The following RHOU variants were observed in gnomAD, a reference collection of about 807,000 sequenced individuals.
RHOU encodes rho-related GTP-binding protein RhoU.
RHOU carries 8 observed loss-of-function variants against 12.6 expected under a neutral mutation model. The ratio of observed to expected loss-of-function variants is 0.64; its 90% confidence interval spans 0.37 to 1.15. RHOU has a LOEUF of 1.15. Among genes scored for constraint, RHOU ranks in the 50% most tolerant of loss-of-function variants. The pLI is 0.01. For missense variants in RHOU, 258 were observed against 347.0 expected (o/e 0.74, Z 2.04); for synonymous variants, 161 against 147.4 (o/e 1.09, Z -0.67).
the RHOU span, among the ~76,000 whole-genome samples, chr1:228,728,869 C>G: frequency 6.6e-6 from 1 of 151,884 alleles, no homozygotes; most frequent in Non-Finnish European, 1.5e-5. Context: ...ACATCTAGCA[C>G]TGATGAGTTT....
the RHOU span, among the ~76,000 whole-genome samples, chr1:228,700,776 C>G: frequency 4.6e-5 from 7 of 152,026 alleles, no homozygotes; most frequent in Non-Finnish European, 8.8e-5. Flanking sequence ...TCTTATTTGA[C>G]AATGCTTTTC....
At chr1:228,666,004 C>G in the RHOU span, among the ~76,000 whole-genome samples, 1 of 152,026 alleles carries the variant, frequency 6.6e-6, no homozygotes, top group East Asian at 1.9e-4. Flanking sequence ...CTCACCAAGG[C>G]TGGAGTGCAG....
chr1:228,659,955 C>CAAAAAAAAA, the RHOU span, among the ~76,000 whole-genome samples: 2 of 34,610 alleles, frequency 5.8e-5, no homozygotes, highest in African/African-American at 1.2e-4. Flanking sequence ...CTGGTCTCTA[C>CAAAAAAAAA]AAAAAAAAAA....
chr1:228,745,902 G>A lies in RHOU; in HGVS notation c.*2162G>A, dbSNP rs918139072. The A allele has an allele frequency of 1.3e-5, 2 of 152,234 alleles. No individual in the cohort carries two copies. The highest frequency in any genetic ancestry group is 3.8e-4 in the East Asian group (2 of 5,198). The allele number at this position is 152,234 out of a possible 1,614,324, so 9.4% of individuals were successfully genotyped here. A position where few individuals can be genotyped will look rare whatever the true frequency, so the allele number is the denominator to read the frequency against. The stretch of plus-strand genomic sequence containing the variant: ...AGATAGAACACAAAACTTGAAAGAA[G>A]TTTTATGCGTGTGACAGTGTATGGG... On this transcript the variant is annotated 3_prime_UTR_variant, in exon 3 of 3. Transcript: ENST00000366691.
chr1:228,685,454 G>A, the RHOU span, among the ~76,000 whole-genome samples: 1 of 152,198 alleles, frequency 6.6e-6, no homozygotes, highest in African/African-American at 2.4e-5. Flanking sequence ...GAGAGCAAAT[G>A]CTGTAAAGAG....
chr1:228,706,702 G>A, the RHOU span, among the ~76,000 whole-genome samples: 1 of 151,964 alleles, frequency 6.6e-6, no homozygotes, highest in African/African-American at 2.4e-5. Context: ...CCTTTTTGTT[G>A]CTATTGTAAA....
At chr1:228,733,106 G>C (rs1001723317), upstream of RHOU, among the ~76,000 whole-genome samples, 2 of 152,156 alleles carry the variant, frequency 1.3e-5, no homozygotes, top group Non-Finnish European at 2.9e-5. Context: ...CTTGCTTTTT[G>C]TTGTACTACT....
chr1:228,715,946 A>C, the RHOU span, among the ~76,000 whole-genome samples: 548 of 146,268 alleles, frequency 3.7e-3, 5 homozygotes, highest in African/African-American at 0.013. Flanking sequence ...ACAAGGTCTC[A>C]CTCTGTCACT....
the RHOU span, among the ~76,000 whole-genome samples, chr1:228,717,623 G>A: frequency 5.3e-5 from 8 of 152,350 alleles, no homozygotes; most frequent in South Asian, 1.7e-3. Context: ...GTGAAATACT[G>A]TTACTGAGTT....
Position 228,735,596 on chromosome 1 carries a change from G to T in RHOU, c.-147G>T, listed in dbSNP as rs1468464565. ...CCCTGGCCGCCTTTGTCTACTGGCCGTGCGGCCCGGAACCGCCACTCTCCA... is the reference window on the plus strand; with the variant it reads ...CCCTGGCCGCCTTTGTCTACTGGCCTTGCGGCCCGGAACCGCCACTCTCCA... On this transcript the variant is annotated 5_prime_UTR_variant, in exon 1 of 3. Transcript: ENST00000366691. This position sits in a 1 kb window ranked among gnomAD's most constrained non-coding sequence, Gnocchi z 8.1. 2 of 553,998 alleles carry T rather than the reference G, an allele frequency of 3.6e-6. No individual in the cohort carries two copies. Among genetic ancestry groups the T allele is most frequent in the Admixed American group, 5.0e-5 (1 of 20,178 alleles). The allele number at this position is 553,998 out of a possible 1,614,324, so 34.3% of individuals were successfully genotyped here.
In RHOU at chr1:228,745,344, C is replaced by T. The variant is rs1184404813; in HGVS notation, c.*1604C>T. 1 of 152,156 alleles carries T rather than the reference C, an allele frequency of 6.6e-6. No homozygotes were observed. The highest frequency in any genetic ancestry group is 1.5e-5 in the Non-Finnish European group (1 of 68,038). 9.4% of individuals were successfully genotyped at this position (152,156 alleles called of 1,614,324 possible). ...AGAGCCACCAAAGTCACATCCACAA[C>T]TAATGAGGGAAATCTGTAAAGCCAG... On this transcript the variant is annotated 3_prime_UTR_variant, in exon 3 of 3. Transcript: ENST00000366691.
intron 2 of RHOU, among the ~76,000 whole-genome samples, chr1:228,742,612 G>A (rs1025053598): frequency 3.3e-5 from 5 of 152,340 alleles, no homozygotes; most frequent in African/African-American, 1.2e-4. Context: ...ACTAGTGTCT[G>A]TAAGTGGCAC....
At chr1:228,685,667 G>A in the RHOU span, among the ~76,000 whole-genome samples, 1 of 152,214 alleles carries the variant, frequency 6.6e-6, no homozygotes, top group African/African-American at 2.4e-5. Context: ...CTCATGAAAT[G>A]ACTGTATGTG....
At chr1:228,741,147 GTC>G (rs966432720) in intron 2 of RHOU, among the ~76,000 whole-genome samples, 10 of 151,994 alleles carry the variant, frequency 6.6e-5, no homozygotes, top group African/African-American at 2.2e-4. Flanking sequence ...ATCCAGTCTC[GTC>G]TCTCTGCCCC....
chr1:228,659,966 C>CAAAAAAAAAA, the RHOU span, among the ~76,000 whole-genome samples: 1 of 76,714 alleles, frequency 1.3e-5, no homozygotes. Flanking sequence ...AAAAAAAAAA[C>CAAAAAAAAAA]AAAAAAAAAA....
chr1:228,730,828 T>C (rs534071628), upstream of RHOU, among the ~76,000 whole-genome samples: 275 of 152,328 alleles, frequency 1.8e-3, no homozygotes, highest in Non-Finnish European at 2.1e-3. Flanking sequence ...TGTTCTGATT[T>C]GGTACTCAGT....
chr1:228,686,128 T>C, the RHOU span, among the ~76,000 whole-genome samples: 1 of 152,322 alleles, frequency 6.6e-6, no homozygotes, highest in African/African-American at 2.4e-5. Flanking sequence ...GAGTTTTAGT[T>C]ATAATTTTGC....
In RHOU at chr1:228,743,620, C is replaced by T. The variant is rs61750988; in HGVS notation, c.657C>T (p.Ile219=). The change falls in exon 3 of 3, where the codon ATC becomes ATT. Residue 219 remains isoleucine (I), a synonymous_variant. Coordinates refer to ENST00000366691, the MANE Select transcript of RHOU (RefSeq NM_021205.6). The surrounding 1 kb of genome is among the most constrained non-coding windows in gnomAD (Gnocchi z 5.1). Reference sequence around the variant, plus strand: ...TCAAAGAGGTCTTTGATGCAGCCATCGTCGCTGGCATTCAATACTCGGACA... The same window carrying T: ...TCAAAGAGGTCTTTGATGCAGCCATTGTCGCTGGCATTCAATACTCGGACA... ...KNLKEVFDAA[I]VAGIQYSDTQ... is the part of the protein sequence containing the mutation. 7,942 of 1,614,194 alleles carry T rather than the reference C, an allele frequency of 4.9e-3. 38 individuals are homozygous for T. The highest frequency in any genetic ancestry group is 0.023 in the Middle Eastern group (137 of 6,062).
At chr1:228,697,048 G>C in the RHOU span, among the ~76,000 whole-genome samples, 1 of 152,162 alleles carries the variant, frequency 6.6e-6, no homozygotes, top group Non-Finnish European at 1.5e-5. Flanking sequence ...TAGATGGTTT[G>C]ATGATCCTAG....
Sources: allele counts gnomAD v4.1 joint callset (sites outside exome capture counted in the v4.1 genomes callset), GRCh38; gene constraint gnomAD v4.1.1; non-coding constraint Gnocchi (gnomAD v3.1); transcripts MANE v1.5; gene names NCBI Gene and HGNC (gene_info 2026-07-23, HGNC 2026-07-21).